The following DOCK5 variants were observed in gnomAD, a reference collection of about 807,000 sequenced individuals.
DOCK5 encodes the protein dedicator of cytokinesis protein 5.
DOCK5 carries 142 observed loss-of-function variants against 251.8 expected under a neutral mutation model. That is an observed-to-expected ratio of 0.56 (90% CI 0.49 to 0.65). The LOEUF (loss-of-function observed/expected upper bound fraction) is 0.65, where lower values mean the gene tolerates loss of function less well. Among genes scored for constraint, DOCK5 ranks in the 30% least tolerant of loss-of-function variants. The pLI, the probability that DOCK5 is intolerant of heterozygous loss-of-function variation, is 0.00. For synonymous variants in DOCK5, 842 were observed against 835.5 expected, an observed-to-expected ratio of 1.01 and a Z score of -0.13; for missense variants, 2,111 against 2,312.3, an observed-to-expected ratio of 0.91 and a Z score of 1.79.
intron 15 of DOCK5, among the ~76,000 whole-genome samples, chr8:25,320,224 T>C (rs1487514128): frequency 6.6e-6 from 1 of 152,218 alleles, no homozygotes; most frequent in Non-Finnish European, 1.5e-5. Flanking sequence ...CCACTTCTTC[T>C]GAATCCCGGG....
At position 25,263,267 on chromosome 8, in the gene DOCK5, T is replaced by C. The variant is rs144963633; in HGVS notation, c.128-5578T>C. Among the ~76,000 whole-genome samples, 54 of 151,956 alleles carry C rather than the reference T, an allele frequency of 3.6e-4. 3 individuals are homozygous for C. Among genetic ancestry groups the C allele is most frequent in the African/African-American group, 1.3e-3 (52 of 41,232 alleles). ...GCTTTCCCAGTGACAGCTCTTTTTC[T>C]GAGGGCTCTCTTTATCATCTGTCTT... is the stretch of plus-strand genomic sequence containing the variant. On this transcript the variant is annotated intron_variant, in intron 2 of 51. Coordinates refer to ENST00000276440, the MANE Select transcript of DOCK5 (RefSeq NM_024940.8).
chr8:25,344,774 T>C (rs1330462722), intron 25 of DOCK5, among the ~76,000 whole-genome samples: 3 of 152,228 alleles, frequency 2.0e-5, no homozygotes, highest in African/African-American at 4.8e-5. Context: ...TTTGATCACT[T>C]TTTAAGGATA....
chr8:25,249,670 T>A (rs1803215396), intron 2 of DOCK5, among the ~76,000 whole-genome samples: 1 of 152,212 alleles, frequency 6.6e-6, no homozygotes, highest in Non-Finnish European at 1.5e-5. Flanking sequence ...CACTGCAGCC[T>A]TGACCTCCTG....
chr8:25,370,722 G>A (rs1800858534), intron 34 of DOCK5, among the ~76,000 whole-genome samples: 2 of 152,072 alleles, frequency 1.3e-5, no homozygotes, highest in African/African-American at 4.8e-5. Context: ...GCCAAGGCTG[G>A]TCTCGAAATT....
intron 2 of DOCK5, among the ~76,000 whole-genome samples, chr8:25,248,564 G>C (rs1803179047): frequency 6.6e-6 from 1 of 152,048 alleles, no homozygotes; most frequent in Non-Finnish European, 1.5e-5. Flanking sequence ...TACCAGATCT[G>C]TGTGTGTTTT....
At chr8:25,253,946 T>G (rs754607457) in intron 2 of DOCK5, among the ~76,000 whole-genome samples, 1 of 152,186 alleles carries the variant, frequency 6.6e-6, no homozygotes, top group Non-Finnish European at 1.5e-5. Context: ...AACATGAAGT[T>G]GAAGAACAAA....
chr8:25,252,279 T>C (rs1392427968), intron 2 of DOCK5, among the ~76,000 whole-genome samples: 1 of 152,218 alleles, frequency 6.6e-6, no homozygotes. Context: ...AGATTCAAAA[T>C]TGCTGTTAAA....
At position 25,411,404 on chromosome 8, in the gene DOCK5, C is replaced by G; in HGVS notation, c.*106C>G. On this transcript the variant is annotated 3_prime_UTR_variant, in exon 52 of 52. Coordinates refer to ENST00000276440, the MANE Select transcript of DOCK5 (RefSeq NM_024940.8). Reference sequence around the variant, plus strand: ...ATGGGGCTCCCTGCTGACTGCATTTCCTGATCTGGGATGATGTTTACCAGC... The same window carrying G: ...ATGGGGCTCCCTGCTGACTGCATTTGCTGATCTGGGATGATGTTTACCAGC... The G allele has an allele frequency of 1.5e-6, 2 of 1,314,924 alleles. No individual in the cohort carries two copies. Among genetic ancestry groups the G allele is most frequent in the Non-Finnish European group, 2.0e-6 (2 of 1,023,214 alleles). 81.5% of individuals were successfully genotyped at this position (1,314,924 alleles called of 1,614,324 possible). A position where few individuals can be genotyped will look rare whatever the true frequency, so the allele number is the denominator to read the frequency against.
intron 35 of DOCK5, 27 bp downstream of exon 35, chr8:25,372,745 G>T (rs2271107): frequency 3.1e-6 from 5 of 1,597,954 alleles, no homozygotes; most frequent in South Asian, 1.1e-5. Context: ...CGGTGTGATG[G>T]GAGGGTACTG....
rs180903842 is a variant in DOCK5, at chr8:25,374,791, T to C, written c.3816+137T>C. The C allele has an allele frequency of 9.6e-6, 15 of 1,563,370 alleles. No homozygotes were observed. The Admixed American group carries it at 2.7e-4, about 28-fold the overall frequency. ...TTTTATACAAGTTTTTTTAGTTCTTTCTAAATAGGCACAGCTAATTTGTAG... is the reference window on the plus strand; with the variant it reads ...TTTTATACAAGTTTTTTTAGTTCTTCCTAAATAGGCACAGCTAATTTGTAG... On this transcript the variant is annotated intron_variant, in intron 37 of 51. Transcript: ENST00000276440.
chr8:25,302,559 G>A, intron 10 of DOCK5, 105 bp downstream of exon 10: 1 of 1,380,342 alleles, frequency 7.2e-7, no homozygotes, highest in Non-Finnish European at 9.6e-7. Flanking sequence ...TGATCCAGCT[G>A]CCCTGCTTCA....
chr8:25,304,511 T>G (rs978950122), intron 11 of DOCK5, 184 bp downstream of exon 11: 1 of 531,934 alleles, frequency 1.9e-6, no homozygotes, highest in African/African-American at 2.0e-5. Flanking sequence ...GGACTCCCAT[T>G]GAAGAGGGTA....
chr8:25,385,413 G>C (rs560104223), intron 40 of DOCK5, among the ~76,000 whole-genome samples: 17 of 152,116 alleles, frequency 1.1e-4, no homozygotes, highest in Admixed American at 3.9e-4. Flanking sequence ...TGGAGATGAG[G>C]TCACAGCCAT....
chr8:25,225,102 G>A (rs773851704), intron 1 of DOCK5, among the ~76,000 whole-genome samples: 1 of 152,138 alleles, frequency 6.6e-6, no homozygotes, highest in South Asian at 2.1e-4. Context: ...CAAAATAAAT[G>A]GTCATCCAGG....
chr8:25,192,370 A>G (rs959953609), intron 1 of DOCK5, among the ~76,000 whole-genome samples: 1 of 152,230 alleles, frequency 6.6e-6, no homozygotes, highest in African/African-American at 2.4e-5. Flanking sequence ...TGGTTGAACT[A>G]GCAAAAACAA....
In DOCK5 at chr8:25,228,775, C is replaced by T. The variant is rs536607536; in HGVS notation, c.44-14899C>T. Among the ~76,000 whole-genome samples, 5 of 152,036 alleles carry T rather than the reference C, an allele frequency of 3.3e-5. No homozygotes were observed. In the South Asian group the frequency reaches 1.0e-3, roughly 32 times the overall value. ...TTATTCTTCCAGATATATTTTATTACCATTTTTGTGTCATTTTCTAAAAAC... is the reference window on the plus strand; with the variant it reads ...TTATTCTTCCAGATATATTTTATTATCATTTTTGTGTCATTTTCTAAAAAC... On this transcript the variant is annotated intron_variant, in intron 1 of 51. Transcript: ENST00000276440.
chr8:25,223,692 T>A (rs1802449699), intron 1 of DOCK5, among the ~76,000 whole-genome samples: 1 of 152,218 alleles, frequency 6.6e-6, no homozygotes, highest in Non-Finnish European at 1.5e-5. Flanking sequence ...GGTTTGCTAT[T>A]ATTGTCAAGA....
intron 21 of DOCK5, among the ~76,000 whole-genome samples, chr8:25,334,410 A>T (rs1805753391): frequency 2.6e-5 from 4 of 152,204 alleles, no homozygotes; most frequent in Admixed American, 1.3e-4. Context: ...ATTCTGGATC[A>T]GGCGAAATTT....
chr8:25,233,600 G>A (rs1802724396), intron 1 of DOCK5, among the ~76,000 whole-genome samples: 1 of 152,162 alleles, frequency 6.6e-6, no homozygotes, highest in African/African-American at 2.4e-5. Context: ...ACAGAAGCCT[G>A]CAAAGATTGA....
Sources: gnomAD v4.1 joint callset for allele counts (sites outside exome capture counted in the v4.1 genomes callset) on GRCh38, gnomAD v4.1.1 for gene constraint, MANE v1.5 for transcripts, NCBI Gene and HGNC (gene_info 2026-07-23, HGNC 2026-07-21) for gene names.